ARFGEF1: variants seen among roughly 807,000 people sequenced by gnomAD.
The protein encoded by ARFGEF1 is ARF guanine nucleotide exchange factor 1.
ARFGEF1 carries 42 observed loss-of-function variants against 231.0 expected under a neutral mutation model. The ratio of observed to expected loss-of-function variants is 0.18; its 90% CI spans 0.14 to 0.24. ARFGEF1 has a LOEUF of 0.24. Among genes scored for constraint, ARFGEF1 ranks in the 10% least tolerant of loss-of-function variants. ARFGEF1 has a pLI of 1.00. For synonymous variants in ARFGEF1, 710 were observed against 732.3 expected, an observed-to-expected ratio of 0.97 and a Z score of 0.49; for missense variants, 1,345 against 2,192.0, an observed-to-expected ratio of 0.61 and a Z score of 7.72.
In ARFGEF1 at chr8:67,266,178, T is replaced by A; in HGVS notation, c.1951A>T (p.Ser651Cys). Residue 651 changes from serine to cysteine, a missense_variant, in exon 14 of 39, where the codon AGT becomes TGT. By Grantham distance (112) the Ser-to-Cys change is moderately radical. Around this residue, in one of 14 missense-constraint regions of ARFGEF1, gnomAD observed 105 missense variants for 159.3 expected, o/e 0.66. Transcript: ENST00000262215. ...ATTGTCTCAGGGTGTTTGATTTCAC[T>A]CATCTCTTGCTCTGAGGGTTTTTCC... is the stretch of plus-strand genomic sequence containing the variant. ...GQEKPSEQEM[S>C]EIKHPETINR... is the part of the protein sequence containing the mutation. 6.2e-7 allele frequency: 1 copy of A among 1,613,650 alleles called. No individual in the cohort carries two copies. The highest frequency in any genetic ancestry group is 1.3e-5 in the African/African-American group (1 of 74,964).
intron 4 of ARFGEF1, 59 bp downstream of exon 4, chr8:67,299,150 G>C (rs1806367641): frequency 4.4e-6 from 6 of 1,365,032 alleles, no homozygotes; most frequent in Non-Finnish European, 5.9e-6. Flanking sequence ...AAGGTGAAAG[G>C]CATCTGAATT....
intron 5 of ARFGEF1, among the ~76,000 whole-genome samples, chr8:67,187,246 GATCCAGA>G (rs1361324997): frequency 2.6e-5 from 4 of 152,194 alleles, no homozygotes; most frequent in African/African-American, 9.6e-5. Flanking sequence ...AAAGGCAAAA[GATCCAGA>G]ATAGCCAGCA....
chr8:67,259,862 G>C lies in ARFGEF1; in HGVS notation c.2188C>G (p.Pro730Ala), dbSNP rs1248897282. 2.5e-6 allele frequency: 4 copies of C among 1,613,022 alleles called. No individual in the cohort carries two copies. The highest frequency in any genetic ancestry group is 3.4e-6 in the Non-Finnish European group (4 of 1,179,482). The stretch of plus-strand genomic sequence containing the variant: ...TGTAAGAATTGGGCAATATCTTCAG[G>C]TGTGGTGCCAAGCATCCCTTGTTCT... The part of the protein sequence containing the change: ...LQEQGMLGTT[P>A]EDIAQFLHQE... The change falls in exon 15 of 39, where the codon CCT (proline) becomes GCT (alanine). Residue 730 changes from proline to alanine, a missense_variant. Transcript: ENST00000262215.
At chr8:67,245,283 C>T (rs960627026) in intron 19 of ARFGEF1, among the ~76,000 whole-genome samples, 5 of 150,414 alleles carry the variant, frequency 3.3e-5, no homozygotes, top group Non-Finnish European at 5.9e-5. Context: ...TCTAAAAGTA[C>T]ACAACTCACT....
At chr8:67,206,178 G>C (rs1048403807) in intron 34 of ARFGEF1, among the ~76,000 whole-genome samples, 1 of 152,038 alleles carries the variant, frequency 6.6e-6, no homozygotes, top group Non-Finnish European at 1.5e-5. Flanking sequence ...GGGAGGCCAA[G>C]GCAGGTGGAT....
chr8:67,196,593 AATTAAATTACTGATATTTTG>A (rs1342748739), downstream of ARFGEF1, among the ~76,000 whole-genome samples: 1 of 152,166 alleles, frequency 6.6e-6, no homozygotes, highest in East Asian at 1.9e-4. Flanking sequence ...AATTTGCCAC[AATTAAATTACTGATATTTTG>A]AGTTTTGGCT....
At chr8:67,254,800 AT>A (rs1469789794) in intron 17 of ARFGEF1, among the ~76,000 whole-genome samples, 6 of 152,192 alleles carry the variant, frequency 3.9e-5, no homozygotes, top group African/African-American at 1.4e-4. Flanking sequence ...CCCTACAAAT[AT>A]GTAAAAATAT....
intron 19 of ARFGEF1, among the ~76,000 whole-genome samples, chr8:67,242,156 C>A (rs1031296760): frequency 5.3e-5 from 8 of 152,190 alleles, no homozygotes; most frequent in Admixed American, 3.9e-4. Flanking sequence ...AGGACTGCAA[C>A]TCCTAGGCAA....
chr8:67,197,792 ATAC>A lies in ARFGEF1; in HGVS notation c.*1139_*1141del, dbSNP rs1838131170. The A allele has an allele frequency of 1.0e-6, 1 of 985,790 alleles. No individual in the cohort carries two copies. The highest frequency in any genetic ancestry group is 1.7e-5 in the African/African-American group (1 of 57,260). 61.1% of individuals were successfully genotyped at this position (985,790 alleles called of 1,614,324 possible). On this transcript the variant is annotated 3_prime_UTR_variant, in exon 39 of 39. Transcript: ENST00000262215. ...ATAGAAAACTTTACATCTGTACCAT[ATAC>A]ATTTTGTCCATCTGAAAAAATTTTC... is the stretch of plus-strand genomic sequence containing the variant.
chr8:67,227,919 A>G, intron 25 of ARFGEF1, 44 bp downstream of exon 25: 1 of 1,448,220 alleles, frequency 6.9e-7, no homozygotes, highest in Non-Finnish European at 9.1e-7. Flanking sequence ...TCTAAACAAA[A>G]AATATACTAC....
intron 1 of ARFGEF1, among the ~76,000 whole-genome samples, chr8:67,324,188 G>T (rs1807722809): frequency 6.6e-6 from 1 of 152,184 alleles, no homozygotes; most frequent in African/African-American, 2.4e-5. Flanking sequence ...GCATTCTACT[G>T]TCTACAATAG....
intron 1 of ARFGEF1, among the ~76,000 whole-genome samples, chr8:67,304,728 G>A (rs1411931093): frequency 6.6e-6 from 1 of 152,144 alleles, no homozygotes; most frequent in East Asian, 1.9e-4. Flanking sequence ...CTGAGGCACA[G>A]GAATCGCTTG....
At chr8:67,338,931 A>G (rs796238290) in intron 1 of ARFGEF1, among the ~76,000 whole-genome samples, 10 of 152,344 alleles carry the variant, frequency 6.6e-5, no homozygotes, top group African/African-American at 2.4e-4. Flanking sequence ...GAAAATTAAT[A>G]GTTACCAAAA....
intron 7 of ARFGEF1, among the ~76,000 whole-genome samples, chr8:67,283,382 A>G (rs556950096): frequency 7.6e-4 from 115 of 152,312 alleles, no homozygotes; most frequent in African/African-American, 2.7e-3. Flanking sequence ...ATTATGGCCC[A>G]GTGATATAAT....
chr8:67,238,613 A>T, intron 21 of ARFGEF1, 120 bp from the exon 22 acceptor site: 1 of 1,425,116 alleles, frequency 7.0e-7, no homozygotes, highest in Non-Finnish European at 9.5e-7. Context: ...TAAAAAGCTA[A>T]ACGTACTTAT....
At chr8:67,249,456 G>A (rs1011286593) in intron 19 of ARFGEF1, among the ~76,000 whole-genome samples, 6 of 149,942 alleles carry the variant, frequency 4.0e-5, no homozygotes, top group Middle Eastern at 3.4e-3. Context: ...ATCGTAAGTC[G>A]AGGAGCATAC....
At chr8:67,193,018 A>G (rs756917400), downstream of ARFGEF1, among the ~76,000 whole-genome samples, 1 of 152,200 alleles carries the variant, frequency 6.6e-6, no homozygotes, top group Non-Finnish European at 1.5e-5. Flanking sequence ...CTGAGCTTGC[A>G]TGGATAAGCA....
chr8:67,336,167 C>G (rs1371004783), intron 1 of ARFGEF1, among the ~76,000 whole-genome samples: 1 of 152,210 alleles, frequency 6.6e-6, no homozygotes, highest in South Asian at 2.1e-4. Flanking sequence ...GAACACAAAA[C>G]TTTTTAAATA....
At chr8:67,274,620 T>C (rs1168082660) in intron 9 of ARFGEF1, among the ~76,000 whole-genome samples, 1 of 152,140 alleles carries the variant, frequency 6.6e-6, no homozygotes, top group Admixed American at 6.5e-5. Context: ...CATATTATTT[T>C]CCTTTGTGTC....
Sources: allele counts gnomAD v4.1 joint callset (sites outside exome capture counted in the v4.1 genomes callset), GRCh38; gene constraint gnomAD v4.1.1; regional missense constraint gnomAD v4.1.1; transcripts MANE v1.5; gene names NCBI Gene and HGNC (gene_info 2026-07-23, HGNC 2026-07-21).